The following WDPCP variants were observed in gnomAD, a reference collection of about 807,000 sequenced individuals.
The protein encoded by WDPCP is WD repeat-containing and planar cell polarity effector protein fritz homolog.
WDPCP carries 71 observed loss-of-function variants against 93.1 expected under a neutral mutation model. The observed-to-expected ratio is 0.76, with a 90% CI of 0.63 to 0.93. WDPCP has a LOEUF of 0.93. WDPCP is among the 40% of genes least tolerant of loss of function. The probability of loss-of-function intolerance (pLI) is 0.00; values close to 1 mark genes in which losing one functional copy is unlikely to be tolerated. For synonymous variants in WDPCP, 315 were observed against 315.0 expected, an observed-to-expected ratio of 1.00 and a Z score of 0.00; for missense variants, 844 against 887.4, an observed-to-expected ratio of 0.95 and a Z score of 0.62.
chr2:63,817,951 AT>A (rs777594932), intron 1 of WDPCP, among the ~76,000 whole-genome samples: 2 of 151,994 alleles, frequency 1.3e-5, no homozygotes, highest in East Asian at 3.8e-4. Flanking sequence ...TAGTTATTCC[AT>A]TTTTTTCTTT....
rs760473179 is a variant in WDPCP at position 63,259,429 on chromosome 2, TAA to T, written c.1813-22_1813-21del. ...AATATCCTGAGGAAATAAAGCAAAA[TAA>T]AAGATTGATTCAAAATGAACCTTGC... On this transcript the variant is annotated intron_variant, in intron 13 of 17. Transcript: ENST00000272321. 14 of 1,586,238 alleles carry T rather than the reference TAA, an allele frequency of 8.8e-6. 1 individual carries two copies. In the Admixed American group the frequency reaches 2.3e-4, roughly 26 times the overall value.
intron 3 of WDPCP, among the ~76,000 whole-genome samples, chr2:63,644,493 C>T (rs996423902): frequency 9.2e-5 from 14 of 152,106 alleles, no homozygotes; most frequent in Admixed American, 7.2e-4. Flanking sequence ...CCACCCACCT[C>T]GGCCTCCCAA....
chr2:63,529,435 A>T (rs988969471), intron 1 of WDPCP, among the ~76,000 whole-genome samples: 1 of 152,102 alleles, frequency 6.6e-6, no homozygotes, highest in Admixed American at 6.5e-5. Flanking sequence ...GCGCTGTTGA[A>T]TTTTGTCAAA....
chr2:63,327,421 C>G (rs1687640615), intron 12 of WDPCP, among the ~76,000 whole-genome samples: 1 of 152,112 alleles, frequency 6.6e-6, no homozygotes, highest in Non-Finnish European at 1.5e-5. Flanking sequence ...ATGCATTATC[C>G]TATTACCACA....
chr2:63,602,934 C>CTTTTGTTTTTTTTTTTTTTT (rs1709452776), intron 3 of WDPCP, among the ~76,000 whole-genome samples: 2 of 131,538 alleles, frequency 1.5e-5, no homozygotes, highest in Non-Finnish European at 3.4e-5. Flanking sequence ...TTTAACCGTT[C>CTTTTGTTTTTTTTTTTTTTT]TTTTTTTTTT....
At chr2:63,321,918 G>T (rs1225884972) in intron 12 of WDPCP, among the ~76,000 whole-genome samples, 1 of 151,892 alleles carries the variant, frequency 6.6e-6, no homozygotes, top group African/African-American at 2.4e-5. Context: ...ACTTTACTGA[G>T]GTATTATTGA....
At chr2:63,406,001 T>C (rs188621338) in intron 9 of WDPCP, among the ~76,000 whole-genome samples, 1 of 152,296 alleles carries the variant, frequency 6.6e-6, no homozygotes, top group African/African-American at 2.4e-5. Flanking sequence ...ATGTAAGATG[T>C]CACTGGGGAA....
chr2:63,350,150 T>C (rs1689480444), intron 12 of WDPCP, among the ~76,000 whole-genome samples: 2 of 152,098 alleles, frequency 1.3e-5, no homozygotes, highest in Admixed American at 1.3e-4. Context: ...GGGACATGGA[T>C]GAAGCTGGAA....
At chr2:63,334,392 G>A (rs1398675706) in intron 12 of WDPCP, among the ~76,000 whole-genome samples, 1 of 152,164 alleles carries the variant, frequency 6.6e-6, no homozygotes, top group East Asian at 1.9e-4. Flanking sequence ...AGGGAGACAT[G>A]TGACATCAAT....
intron 10 of WDPCP, among the ~76,000 whole-genome samples, chr2:63,383,706 C>T (rs1249697870): frequency 2.0e-5 from 3 of 152,096 alleles, no homozygotes; most frequent in African/African-American, 7.2e-5. Flanking sequence ...GAGTGAGACT[C>T]TGTCTCAATC....
At chr2:63,174,596 T>A in intron 15 of WDPCP, 74 bp downstream of exon 15, 1 of 1,581,562 alleles carries the variant, frequency 6.3e-7, no homozygotes, top group Admixed American at 1.7e-5. Flanking sequence ...ATTCTTGCTT[T>A]GCTATTAGTT....
At chr2:63,719,832 G>A (rs1365470359) in intron 2 of WDPCP, among the ~76,000 whole-genome samples, 1 of 152,092 alleles carries the variant, frequency 6.6e-6, no homozygotes, top group African/African-American at 2.4e-5. Context: ...AAAATCAAAT[G>A]CAGAAATTAA....
intron 17 of WDPCP, among the ~76,000 whole-genome samples, chr2:63,139,904 G>A (rs1160574194): frequency 6.6e-6 from 1 of 152,144 alleles, no homozygotes; most frequent in East Asian, 1.9e-4. Flanking sequence ...ATGTCTAGAA[G>A]GGTTTTTCCA....
At chr2:63,808,373 G>C (rs899284532) in intron 2 of WDPCP, among the ~76,000 whole-genome samples, 2 of 124,762 alleles carry the variant, frequency 1.6e-5, no homozygotes, top group East Asian at 2.9e-4. Flanking sequence ...CTCTTTCCAC[G>C]GTCTCCCTCT....
At chr2:63,556,419 C>T (rs1706126415) in intron 1 of WDPCP, among the ~76,000 whole-genome samples, 1 of 152,182 alleles carries the variant, frequency 6.6e-6, no homozygotes, top group Admixed American at 6.5e-5. Flanking sequence ...AGTTGGAAAA[C>T]ATACTTCAGG....
chr2:63,389,033 C>A (rs1692988252), intron 10 of WDPCP, among the ~76,000 whole-genome samples: 1 of 152,072 alleles, frequency 6.6e-6, no homozygotes, highest in Non-Finnish European at 1.5e-5. Flanking sequence ...CATTCAAGTT[C>A]AAGAAATACA....
chr2:63,720,318 G>C (rs2103784219), intron 2 of WDPCP, among the ~76,000 whole-genome samples: 1 of 151,988 alleles, frequency 6.6e-6, no homozygotes, highest in Non-Finnish European at 1.5e-5. Flanking sequence ...TCGGGAGGCT[G>C]AGGCAGAAGA....
At chr2:63,617,038 A>G (rs1420406864) in intron 3 of WDPCP, among the ~76,000 whole-genome samples, 1 of 152,238 alleles carries the variant, frequency 6.6e-6, no homozygotes, top group African/African-American at 2.4e-5. Flanking sequence ...CTGATTTGGC[A>G]GCAGGTCTTC....
chr2:63,808,316 C>CCTCTCCA (rs1448453130), intron 2 of WDPCP, among the ~76,000 whole-genome samples: 1 of 96,122 alleles, frequency 1.0e-5, no homozygotes, highest in African/African-American at 3.3e-5. Flanking sequence ...CTCCCCTCTC[C>CCTCTCCA]CTCTCCCCTC....
Sources: gnomAD v4.1 joint callset for allele counts (sites outside exome capture counted in the v4.1 genomes callset) on GRCh38, gnomAD v4.1.1 for gene constraint, MANE v1.5 for transcripts, NCBI Gene and HGNC (gene_info 2026-07-23, HGNC 2026-07-21) for gene names.